Variants in GPR155 observed in about 807,000 individuals in gnomAD.
GPR155 encodes G protein-coupled receptor 155.
A neutral mutation model predicts 93.1 loss-of-function variants in GPR155; 65 were observed. The ratio of observed to expected loss-of-function variants is 0.70; its 90% CI spans 0.57 to 0.86. The LOEUF is 0.86. Among genes scored for constraint, GPR155 ranks in the 40% least tolerant of loss-of-function variants. The pLI is 0.00. For missense variants in GPR155, 838 were observed against 1,034.8 expected, an observed-to-expected ratio of 0.81 and a Z score of 2.61; for synonymous variants, 319 against 360.1, an observed-to-expected ratio of 0.89 and a Z score of 1.29.
intron 2 of GPR155, among the ~76,000 whole-genome samples, chr2:174,477,642 G>T (rs1688205380): frequency 6.6e-6 from 1 of 152,000 alleles, no homozygotes; most frequent in Non-Finnish European, 1.5e-5. Flanking sequence ...CTATAAATTG[G>T]CAGTGCTTTT....
chr2:174,457,783 G>C (rs1052695052), intron 10 of GPR155, among the ~76,000 whole-genome samples: 1 of 151,912 alleles, frequency 6.6e-6, no homozygotes, highest in Non-Finnish European at 1.5e-5. Flanking sequence ...ACAGGATCAC[G>C]TCTATTGCCC....
intron 4 of GPR155, among the ~76,000 whole-genome samples, chr2:174,469,619 T>C (rs980412599): frequency 6.6e-6 from 1 of 152,228 alleles, no homozygotes; most frequent in Non-Finnish European, 1.5e-5. Context: ...GCAGTTATTA[T>C]GCAGTATTTT....
At position 174,439,984 on chromosome 2, in the gene GPR155, A is replaced by T. The variant is rs1311554793; in HGVS notation, c.2226T>A (p.Pro742=). 6.2e-7 allele frequency: 1 copy of T among 1,611,734 alleles called. No homozygotes were observed. The highest frequency in any genetic ancestry group is 1.3e-5 in the African/African-American group (1 of 74,852). The part of the protein sequence containing the change: ...NKDTAENRDS[P]VSEEIKMTCQ... ...AGGTCATTTTTATTTCCTCTGAAAC[A>T]GGAGAATCCCTGTTTTCTGCTGTGT... The change falls in exon 15 of 16, where the codon CCT becomes CCA. Residue 742 remains proline, a synonymous_variant. Transcript: ENST00000392552.
Position 174,461,574 on chromosome 2 carries a change from A to G in GPR155, c.1469+14T>C, listed in dbSNP as rs956984801. On this transcript the variant is annotated intron_variant, in intron 8 of 15. Transcript: ENST00000392552. ...TATGGAAAGGTGTAAGCAAACAGAG[A>G]ACTACCAACTTACCCCCAGCCAGAT... 2 of 1,585,976 alleles carry G rather than the reference A, an allele frequency of 1.3e-6. No individual in the cohort carries two copies. The highest frequency in any genetic ancestry group is 2.7e-5 in the African/African-American group (2 of 74,308).
At chr2:174,477,132 C>T (rs1465650563) in intron 2 of GPR155, among the ~76,000 whole-genome samples, 1 of 152,060 alleles carries the variant, frequency 6.6e-6, no homozygotes, top group African/African-American at 2.4e-5. Flanking sequence ...TCAATGAATC[C>T]ATTTTTATAT....
In GPR155 at chr2:174,435,425, G is replaced by T. The variant is rs1382275909; in HGVS notation, c.*691C>A. The T allele has an allele frequency of 2.0e-5, 3 of 150,630 alleles. No homozygotes were observed. The highest frequency in any genetic ancestry group is 7.3e-5 in the African/African-American group (3 of 41,250). The allele number at this position is 150,630 out of a possible 1,614,324, so 9.3% of individuals were successfully genotyped here. ...ATGATTAAACTATATGGGAGAATGT[G>T]CATAGGTTATATGCAAATACTACAC... On this transcript the variant is annotated 3_prime_UTR_variant, in exon 16 of 16. Coordinates refer to ENST00000392552, the MANE Select transcript of GPR155 (RefSeq NM_152529.7).
At chr2:174,485,639 G>C (rs1688457099) in intron 1 of GPR155, among the ~76,000 whole-genome samples, 1 of 151,000 alleles carries the variant, frequency 6.6e-6, no homozygotes, top group African/African-American at 2.4e-5. Context: ...TCCCCATGAG[G>C]TTTCTTTTAA....
intron 14 of GPR155, among the ~76,000 whole-genome samples, chr2:174,440,611 C>T (rs1686929821): frequency 6.6e-6 from 1 of 152,200 alleles, no homozygotes; most frequent in African/African-American, 2.4e-5. Flanking sequence ...CTAGCAACTA[C>T]ATCTTGATGA....
chr2:174,454,804 G>GAAAGGAAGGAAAGGGA (rs1223709471), intron 10 of GPR155, among the ~76,000 whole-genome samples: 2 of 148,326 alleles, frequency 1.3e-5, no homozygotes, highest in African/African-American at 5.1e-5. Flanking sequence ...GGAAGGAAGG[G>GAAAGGAAGGAAAGGGA]AAGGGAAGGA....
Position 174,453,835 on chromosome 2 carries a change from C to G in GPR155, c.1778G>C (p.Cys593Ser). 2 of 1,607,982 alleles carry G rather than the reference C, an allele frequency of 1.2e-6. No homozygotes were observed. The highest frequency in any genetic ancestry group is 1.7e-6 in the Non-Finnish European group (2 of 1,174,708). ...TTCACCATTTCCCATGGAGCAGGAG[C>G]AGCAACCTATATCAATCAAATAGTA... ...FTSSIPETSC[C>S]SCSMGNGELH... Residue 593 changes from cysteine (C) to serine (S), a missense_variant, in exon 11 of 16, where the codon TGC (cysteine) becomes TCC (serine). Physicochemically the swap from Cys to Ser is moderately radical, Grantham distance 112. This residue lies in a region of GPR155 where 663 missense variants were observed against 790.1 expected (regional missense o/e 0.84). Transcript: ENST00000392552.
chr2:174,444,991 T>C (rs1328111679), intron 13 of GPR155, 90 bp downstream of exon 13: 2 of 689,432 alleles, frequency 2.9e-6, no homozygotes, highest in East Asian at 5.1e-5. Context: ...GAAAACAACA[T>C]CCTAATCCAC....
intron 10 of GPR155, among the ~76,000 whole-genome samples, chr2:174,454,214 T>C (rs865834164): frequency 4.3e-4 from 66 of 152,304 alleles, no homozygotes; most frequent in African/African-American, 1.6e-3. Flanking sequence ...CTCGGCTCAC[T>C]GCAACCTCCG....
intron 2 of GPR155, among the ~76,000 whole-genome samples, chr2:174,480,977 C>A (rs1688301337): frequency 6.6e-6 from 1 of 152,086 alleles, no homozygotes; most frequent in South Asian, 2.1e-4. Flanking sequence ...CGAGGTTTCA[C>A]CCTGTTGCCC....
intron 7 of GPR155, 75 bp from the exon 8 acceptor site, chr2:174,461,747 AT>A (rs922393794): frequency 1.4e-5 from 13 of 907,298 alleles, no homozygotes; most frequent in African/African-American, 1.3e-4. Flanking sequence ...TTTCCTTTTT[AT>A]TTTTTTAAAC....
At chr2:174,453,208 ATTATCACTT>A (rs1174014185) in intron 11 of GPR155, among the ~76,000 whole-genome samples, 1 of 152,196 alleles carries the variant, frequency 6.6e-6, no homozygotes, top group Admixed American at 6.5e-5. Context: ...GACACTACCT[ATTATCACTT>A]TGTGAGAACT....
intron 10 of GPR155, 60 bp from the exon 11 acceptor site, chr2:174,453,901 T>G (rs1357927829): frequency 8.8e-7 from 1 of 1,142,352 alleles, no homozygotes; most frequent in Admixed American, 1.7e-5. Context: ...TGGACAATTT[T>G]AAGAAATGCC....
intron 7 of GPR155, among the ~76,000 whole-genome samples, chr2:174,464,000 G>T (rs1687771694): frequency 6.6e-6 from 1 of 152,194 alleles, no homozygotes; most frequent in Admixed American, 6.5e-5. Flanking sequence ...AATCACAAAA[G>T]GGTGCCATCT....
In GPR155 at chr2:174,453,801, G is replaced by A. The variant is rs1235535193; in HGVS notation, c.1812C>T (p.Cys604=). The change falls in exon 11 of 16, where the codon TGC becomes TGT. Residue 604 remains cysteine (C), a synonymous_variant. Coordinates refer to ENST00000392552, the MANE Select transcript of GPR155 (RefSeq NM_152529.7). ...TGTTTGCTATTGGCTCTATTGATGG[G>A]CAGTGTAATTCACCATTTCCCATGG... The part of the protein sequence containing the change: ...SCSMGNGELH[C]PSIEPIANTS... The A allele has an allele frequency of 1.2e-6, 2 of 1,613,682 alleles. No homozygotes were observed. The highest frequency in any genetic ancestry group is 1.7e-6 in the Non-Finnish European group (2 of 1,179,702).
intron 15 of GPR155, among the ~76,000 whole-genome samples, chr2:174,439,415 T>C (rs1043387655): frequency 7.2e-5 from 11 of 152,164 alleles, no homozygotes; most frequent in African/African-American, 2.7e-4. Flanking sequence ...GTATAATAAA[T>C]ATTATGTCAC....
Sources: allele counts gnomAD v4.1 joint callset (sites outside exome capture counted in the v4.1 genomes callset), GRCh38; gene constraint gnomAD v4.1.1; regional missense constraint gnomAD v4.1.1; transcripts MANE v1.5; gene names NCBI Gene and HGNC (gene_info 2026-07-23, HGNC 2026-07-21).